Variants in PAK1 observed in about 807,000 individuals in gnomAD.
The protein encoded by PAK1 is p21 (RAC1) activated kinase 1, also known as serine/threonine-protein kinase PAK 1.
Under a neutral mutation model 67.4 loss-of-function variants are expected in PAK1, and 29 were observed. The ratio of observed to expected loss-of-function variants is 0.43; its 90% CI spans 0.32 to 0.59. The LOEUF is 0.59. Among genes scored for constraint, PAK1 ranks in the 20% least tolerant of loss-of-function variants. The pLI is 0.07. For missense variants in PAK1, 337 were observed against 670.7 expected (o/e 0.50, Z 5.50); for synonymous variants, 223 against 237.4 (o/e 0.94, Z 0.56).
intron 2 of PAK1, among the ~76,000 whole-genome samples, chr11:77,390,413 C>A (rs1212334896): frequency 6.6e-6 from 1 of 152,104 alleles, no homozygotes; most frequent in Non-Finnish European, 1.5e-5. Flanking sequence ...GTTGGCCAGG[C>A]TGATCTTGAA....
At chr11:77,401,261 C>T (rs1356230982) in intron 1 of PAK1, among the ~76,000 whole-genome samples, 1 of 152,144 alleles carries the variant, frequency 6.6e-6, no homozygotes, top group Admixed American at 6.5e-5. Context: ...TGGAATGCTG[C>T]AGTCTTGAAT....
chr11:77,419,751 A>G (rs925792543), intron 1 of PAK1, among the ~76,000 whole-genome samples: 2 of 152,222 alleles, frequency 1.3e-5, no homozygotes, highest in African/African-American at 2.4e-5. Context: ...TCAGTCAACA[A>G]TGATGATGTT....
chr11:77,436,417 T>C (rs928811758), intron 1 of PAK1, among the ~76,000 whole-genome samples: 1 of 152,228 alleles, frequency 6.6e-6, no homozygotes, highest in Non-Finnish European at 1.5e-5. Context: ...GGCTTAAGGA[T>C]AGAAAAAATC....
At chr11:77,487,303 A>T in the PAK1 span, among the ~76,000 whole-genome samples, 62 of 152,176 alleles carry the variant, frequency 4.1e-4, no homozygotes, top group Non-Finnish European at 8.8e-5. Flanking sequence ...AACAGCAGGG[A>T]TAGCCAGGTG....
chr11:77,439,233 T>C (rs1436877046), intron 1 of PAK1, among the ~76,000 whole-genome samples: 1 of 152,198 alleles, frequency 6.6e-6, no homozygotes, highest in South Asian at 2.1e-4. Context: ...AGAAGCCCTA[T>C]AGAGGAGCAT....
At chr11:77,413,752 T>C (rs1387085018) in intron 1 of PAK1, among the ~76,000 whole-genome samples, 2 of 151,504 alleles carry the variant, frequency 1.3e-5, no homozygotes, top group African/African-American at 2.4e-5. Flanking sequence ...AAAGAAAGAA[T>C]TGGTCAATAA....
At chr11:77,481,698 G>A in the PAK1 span, among the ~76,000 whole-genome samples, 93 of 140,860 alleles carry the variant, frequency 6.6e-4, no homozygotes, top group South Asian at 2.2e-4. Flanking sequence ...AAAAAATTAC[G>A]TCTTTTCTGA....
the PAK1 span, among the ~76,000 whole-genome samples, chr11:77,510,586 A>G: frequency 6.6e-6 from 1 of 152,234 alleles, no homozygotes; most frequent in Non-Finnish European, 1.5e-5. Context: ...ATTTTGTAAT[A>G]TCATTTTCAG....
chr11:77,459,737 G>A (rs1255127183), intron 1 of PAK1, among the ~76,000 whole-genome samples: 1 of 140,274 alleles, frequency 7.1e-6, no homozygotes, highest in African/African-American at 2.7e-5. Flanking sequence ...CTTTCACCCA[G>A]GCCGGACTGC....
chr11:77,331,643 G>T (rs1434337830), intron 14 of PAK1, among the ~76,000 whole-genome samples: 2 of 152,168 alleles, frequency 1.3e-5, no homozygotes, highest in African/African-American at 2.4e-5. Flanking sequence ...TGTGGGGTCA[G>T]GGGAGGGTGG....
chr11:77,452,532 T>C (rs898349071), intron 1 of PAK1, among the ~76,000 whole-genome samples: 11 of 152,248 alleles, frequency 7.2e-5, no homozygotes, highest in Admixed American at 7.2e-4. Flanking sequence ...ATTAGACATC[T>C]CCTAGGGTCC....
intron 1 of PAK1, among the ~76,000 whole-genome samples, chr11:77,447,628 G>A (rs999253422): frequency 5.3e-5 from 8 of 151,798 alleles, no homozygotes; most frequent in Non-Finnish European, 7.4e-5. Context: ...GGGTTCAAGC[G>A]ATTCTCCTGC....
intron 1 of PAK1, among the ~76,000 whole-genome samples, chr11:77,444,534 T>A (rs1297172202): frequency 2.6e-5 from 4 of 152,098 alleles, no homozygotes; most frequent in African/African-American, 9.7e-5. Context: ...CTTTGTAAAC[T>A]CATCACAATT....
chr11:77,373,736 T>G (rs1464331222), intron 5 of PAK1, among the ~76,000 whole-genome samples: 1 of 152,180 alleles, frequency 6.6e-6, no homozygotes, highest in Non-Finnish European at 1.5e-5. Context: ...AGCCAATTCT[T>G]CATGATTTCT....
the PAK1 span, among the ~76,000 whole-genome samples, chr11:77,511,207 G>T: frequency 6.6e-6 from 1 of 152,106 alleles, no homozygotes; most frequent in Admixed American, 6.6e-5. Flanking sequence ...CACAGGGAAG[G>T]GGGGCAGGAT....
chr11:77,472,526 G>C (rs1363673163), intron 1 of PAK1, among the ~76,000 whole-genome samples: 1 of 152,140 alleles, frequency 6.6e-6, no homozygotes, highest in African/African-American at 2.4e-5. Flanking sequence ...TGCCCGTTTT[G>C]GGGCATAAAA....
chr11:77,517,685 A>G, the PAK1 span, among the ~76,000 whole-genome samples: 1 of 152,188 alleles, frequency 6.6e-6, no homozygotes, highest in Non-Finnish European at 1.5e-5. Context: ...CTTTATTTCT[A>G]TTATTATTAC....
At chr11:77,409,438 C>A (rs953101328) in intron 1 of PAK1, among the ~76,000 whole-genome samples, 1 of 152,164 alleles carries the variant, frequency 6.6e-6, no homozygotes, top group Middle Eastern at 3.4e-3. Context: ...TTCAGCAATT[C>A]CATTACTGAG....
chr11:77,517,091 A>T, the PAK1 span, among the ~76,000 whole-genome samples: 1 of 152,170 alleles, frequency 6.6e-6, no homozygotes. Flanking sequence ...CCAGGGATGA[A>T]TCTTCCTTCA....
Sources: gnomAD v4.1 joint callset for allele counts (sites outside exome capture counted in the v4.1 genomes callset) on GRCh38, gnomAD v4.1.1 for gene constraint, MANE v1.5 for transcripts, NCBI Gene and HGNC (gene_info 2026-07-23, HGNC 2026-07-21) for gene names.